CBX1: variants seen among roughly 807,000 people sequenced by gnomAD.
The protein encoded by CBX1 is chromobox protein homolog 1.
Under a neutral mutation model 25.1 loss-of-function variants are expected in CBX1, and 10 were observed. That is an observed-to-expected ratio of 0.40 (90% CI 0.25 to 0.68). The LOEUF (loss-of-function observed/expected upper bound fraction) is 0.68. Ranked by LOEUF, CBX1 falls within the 30% of genes least tolerant of loss-of-function variation. The pLI is 0.40. For missense variants in CBX1, 106 were observed against 218.5 expected (o/e 0.49, Z 3.25); for synonymous variants, 63 against 79.4 (o/e 0.79, Z 1.10).
chr17:48,101,047 G>T, intron 1 of CBX1: 1 of 985,832 alleles, frequency 1.0e-6, no homozygotes. Flanking sequence ...TCTGGCTCAG[G>T]ATTCGCGCCC....
At chr17:48,087,673 A>C (rs2144453885) in intron 1 of CBX1, among the ~76,000 whole-genome samples, 1 of 152,070 alleles carries the variant, frequency 6.6e-6, no homozygotes, top group East Asian at 1.9e-4. Flanking sequence ...TGAGATCGAG[A>C]CCTTCCTGGC....
intron 1 of CBX1, among the ~76,000 whole-genome samples, chr17:48,093,925 G>A (rs1429162972): frequency 1.3e-5 from 2 of 151,926 alleles, no homozygotes; most frequent in African/African-American, 2.4e-5. Context: ...TTCGAGACCA[G>A]CCTGACCAAC....
chr17:48,089,098 G>C (rs2063328787), intron 1 of CBX1, among the ~76,000 whole-genome samples: 1 of 129,056 alleles, frequency 7.7e-6, no homozygotes, highest in Admixed American at 9.5e-5. Context: ...GCTGGCATCT[G>C]CATCTTTTTT....
At chr17:48,082,370 C>T (rs1024162606) in intron 1 of CBX1, among the ~76,000 whole-genome samples, 60 of 151,422 alleles carry the variant, frequency 4.0e-4, no homozygotes, top group African/African-American at 1.4e-3. Context: ...GGTGTGATGG[C>T]GGGCACCTGT....
chr17:48,084,628 C>T (rs964797349), intron 1 of CBX1, among the ~76,000 whole-genome samples: 2 of 149,478 alleles, frequency 1.3e-5, no homozygotes, highest in South Asian at 2.1e-4. Context: ...ACAATACTCC[C>T]GGCCGGGCAT....
intron 1 of CBX1, among the ~76,000 whole-genome samples, chr17:48,088,954 C>T (rs1419966421): frequency 2.0e-5 from 3 of 151,834 alleles, no homozygotes; most frequent in Non-Finnish European, 4.4e-5. Flanking sequence ...CCAGCCTGGG[C>T]GACACAGCAA....
chr17:48,074,909 G>T, intron 4 of CBX1, 97 bp downstream of exon 4: 1 of 867,378 alleles, frequency 1.2e-6, no homozygotes, highest in Non-Finnish European at 2.0e-6. Flanking sequence ...TTTCACACTT[G>T]GGTGATTGGA....
intron 1 of CBX1, among the ~76,000 whole-genome samples, chr17:48,099,902 A>T (rs1327285467): frequency 6.6e-6 from 1 of 152,176 alleles, no homozygotes; most frequent in East Asian, 1.9e-4. Flanking sequence ...GCACTTTGGG[A>T]GGCCGACGCG....
chr17:48,083,688 G>T (rs1390580620), intron 1 of CBX1, among the ~76,000 whole-genome samples: 1 of 150,056 alleles, frequency 6.7e-6, no homozygotes, highest in East Asian at 1.9e-4. Flanking sequence ...GCTGGGTGTG[G>T]TGGTGGGCGC....
chr17:48,101,156 G>A (rs2063407989), intron 1 of CBX1, 112 bp downstream of exon 1: 5 of 986,534 alleles, frequency 5.1e-6, no homozygotes, highest in South Asian at 4.5e-5. Context: ...ACCCGGGCGC[G>A]CTCCCCGCTC....
chr17:48,097,478 T>G (rs2063382007), intron 1 of CBX1, among the ~76,000 whole-genome samples: 1 of 151,154 alleles, frequency 6.6e-6, no homozygotes, highest in African/African-American at 2.4e-5. Context: ...TAGCCGGGCG[T>G]TGTCGGGGCC....
At chr17:48,091,829 C>T (rs1032660425) in intron 1 of CBX1, among the ~76,000 whole-genome samples, 7 of 151,922 alleles carry the variant, frequency 4.6e-5, no homozygotes, top group Non-Finnish European at 8.8e-5. Context: ...AGGCGTGAGC[C>T]ACCACACCAG....
chr17:48,074,814 C>T, intron 4 of CBX1, 192 bp downstream of exon 4: 1 of 543,406 alleles, frequency 1.8e-6, no homozygotes, highest in Admixed American at 3.1e-5. Flanking sequence ...ACCCAAGATT[C>T]CTAAGGGCTC....
At position 48,076,846 on chromosome 17, in the gene CBX1, C is replaced by G. The variant is rs372939819; in HGVS notation, c.140+19G>C. On this transcript the variant is annotated intron_variant, in intron 2 of 4. Coordinates refer to ENST00000225603, the MANE Select transcript of CBX1 (RefSeq NM_001127228.2). Reference sequence around the variant, plus strand: ...ATAAACACGTGGTGGCTACATTTACCTGTGTCAGTGAAACTTACTCTGAGA... The same window carrying G: ...ATAAACACGTGGTGGCTACATTTACGTGTGTCAGTGAAACTTACTCTGAGA... The G allele has an allele frequency of 1.5e-5, 24 of 1,604,160 alleles. No individual in the cohort carries two copies. Among genetic ancestry groups the G allele is most frequent in the Non-Finnish European group, 2.0e-5 (24 of 1,175,834 alleles).
In CBX1 at chr17:48,075,243, G is replaced by A; in HGVS notation, c.319-143C>T. The A allele has an allele frequency of 1.3e-5, 8 of 608,080 alleles. No individual in the cohort carries two copies. In the South Asian group the frequency reaches 1.4e-4, roughly 10 times the overall value. The allele number at this position is 608,080 out of a possible 1,614,324, so 37.7% of individuals were successfully genotyped here. ...GGAATCTCACTCTGTCGCCCAGGCT[G>A]GAGTGCAGTGGTGCGATCTCGGCTC... On this transcript the variant is annotated intron_variant, in intron 3 of 4. Transcript: ENST00000225603.
At chr17:48,099,959 T>C (rs1402781919) in intron 1 of CBX1, among the ~76,000 whole-genome samples, 1 of 151,270 alleles carries the variant, frequency 6.6e-6, no homozygotes, top group Non-Finnish European at 1.5e-5. Flanking sequence ...ACCAGTACGG[T>C]GAAACCCCGT....
intron 1 of CBX1, among the ~76,000 whole-genome samples, chr17:48,093,102 A>G (rs1384764080): frequency 6.7e-6 from 1 of 148,576 alleles, no homozygotes. Flanking sequence ...AAAGAAAAGA[A>G]AAGAAAGAAA....
intron 1 of CBX1, among the ~76,000 whole-genome samples, chr17:48,083,996 A>G (rs2037762359): frequency 6.7e-6 from 1 of 150,092 alleles, no homozygotes; most frequent in Non-Finnish European, 1.5e-5. Flanking sequence ...CATTTATTTA[A>G]AAAATTTTGT....
intron 1 of CBX1, among the ~76,000 whole-genome samples, chr17:48,090,263 A>G (rs2063337597): frequency 6.6e-6 from 1 of 152,168 alleles, no homozygotes; most frequent in Non-Finnish European, 1.5e-5. Flanking sequence ...CAGTTTTGGT[A>G]ATCCACACAG....
Sources: allele counts gnomAD v4.1 joint callset (sites outside exome capture counted in the v4.1 genomes callset), GRCh38; gene constraint gnomAD v4.1.1; transcripts MANE v1.5; gene names NCBI Gene and HGNC (gene_info 2026-07-23, HGNC 2026-07-21).